PKD2: variants seen among roughly 807,000 people sequenced by gnomAD.
PKD2 encodes polycystin 2, transient receptor potential cation channel.
In PKD2, 48 loss-of-function variants were observed where a neutral mutation model predicts 105.9. That is an observed-to-expected ratio of 0.45 (90% CI 0.36 to 0.58). The LOEUF is 0.58. PKD2 is among the 20% of genes least tolerant of loss of function. The pLI is 0.00. For synonymous variants in PKD2, 464 were observed against 481.1 expected, an observed-to-expected ratio of 0.96 and a Z score of 0.46; for missense variants, 1,078 against 1,255.3, an observed-to-expected ratio of 0.86 and a Z score of 2.13.
chr4:88,026,350 A>G (rs1253370160), intron 2 of PKD2, among the ~76,000 whole-genome samples: 6 of 152,344 alleles, frequency 3.9e-5, no homozygotes, highest in African/African-American at 1.2e-4. Flanking sequence ...CCCCTGCCCT[A>G]GAGATCTGTG....
rs1217355283 is a variant in PKD2, at chr4:88,075,853, T to C, written c.*159T>C. ...ACTTTAATTTATTTTATATAAACTT[T>C]ACCCATGGTTCAAAGATTTTTTTTT... On this transcript the variant is annotated 3_prime_UTR_variant, in exon 15 of 15. Transcript: ENST00000237596. 2 of 691,228 alleles carry C rather than the reference T, an allele frequency of 2.9e-6. No homozygotes were observed. Among genetic ancestry groups the C allele is most frequent in the Non-Finnish European group, 5.1e-6 (2 of 392,726 alleles). 42.8% of individuals were successfully genotyped at this position (691,228 alleles called of 1,614,324 possible).
intron 2 of PKD2, among the ~76,000 whole-genome samples, chr4:88,020,064 G>A (rs183977896): frequency 3.9e-5 from 6 of 152,126 alleles, no homozygotes; most frequent in East Asian, 3.9e-4. Context: ...TATGAGATAC[G>A]CGTGGCAACT....
At chr4:88,018,033 A>C (rs1334772883) in intron 1 of PKD2, among the ~76,000 whole-genome samples, 1 of 152,224 alleles carries the variant, frequency 6.6e-6, no homozygotes, top group African/African-American at 2.4e-5. Flanking sequence ...CATGTCATCT[A>C]AATTTGTAAT....
intron 11 of PKD2, 43 bp from the exon 12 acceptor site, chr4:88,065,719 G>A (rs1397748375): frequency 3.5e-6 from 5 of 1,429,594 alleles, no homozygotes; most frequent in Admixed American, 1.7e-5. Context: ...GGTGAACTGG[G>A]TACAAGGAAT....
chr4:88,067,595 C>A (rs1720842530), intron 12 of PKD2, among the ~76,000 whole-genome samples: 1 of 152,158 alleles, frequency 6.6e-6, no homozygotes, highest in Non-Finnish European at 1.5e-5. Flanking sequence ...CTCAGCCTCC[C>A]AAAGTATTAG....
Position 88,052,433 on chromosome 4 carries a change from T to A in PKD2, c.1716+275T>A, listed in dbSNP as rs375504942. Among the ~76,000 whole-genome samples the A allele has an allele frequency of 5.3e-5, 8 of 152,190 alleles. No individual in the cohort carries two copies. The East Asian group carries it at 1.5e-3, about 29-fold the overall frequency. ...ACAGGCATGTGCCACCATACCCGGC[T>A]AATTTTTAAATTTTTTCGTAGAGAC... is the stretch of plus-strand genomic sequence containing the variant. On this transcript the variant is annotated intron_variant, in intron 7 of 14. Transcript: ENST00000237596.
rs1726221508 is a variant in PKD2 at position 88,007,737 on chromosome 4, G to A, written c.4G>A (p.Val2Met). 1.7e-6 allele frequency: 2 copies of A among 1,205,596 alleles called. No homozygotes were observed. The highest frequency in any genetic ancestry group is 2.1e-6 in the Non-Finnish European group (2 of 959,154). 74.7% of individuals were successfully genotyped at this position (1,205,596 alleles called of 1,614,324 possible). Residue 2 changes from valine (V) to methionine (M), a missense_variant, in exon 1 of 15, where the codon GTG becomes ATG. Val to Met is a conservative substitution (Grantham distance 21, BLOSUM62 1). Coordinates refer to ENST00000237596, the MANE Select transcript of PKD2 (RefSeq NM_000297.4). ...GCGCCGGACGCCAGTGACCGCGATG[G>A]TGAACTCCAGTCGCGTGCAGCCTCA... The part of the protein sequence containing the change: M[V>M]NSSRVQPQQP...
chr4:88,043,805 C>T (rs78027900), intron 5 of PKD2, among the ~76,000 whole-genome samples: 2,410 of 152,276 alleles, frequency 0.016, 27 homozygotes, highest in Non-Finnish European at 0.025. Context: ...GTCCCCCGGC[C>T]ATCAAATCTT....
Position 88,075,795 on chromosome 4 carries a change from G to A in PKD2, c.*101G>A. The A allele has an allele frequency of 1.2e-6, 1 of 827,098 alleles. No homozygotes were observed. The highest frequency in any genetic ancestry group is 1.7e-5 in the African/African-American group (1 of 60,296). 51.2% of individuals were successfully genotyped at this position (827,098 alleles called of 1,614,324 possible). ...TTATATGCCCTGACCACCATAGGAT[G>A]CTAGTCTTTGTGACCGATTGCTAAT... On this transcript the variant is annotated 3_prime_UTR_variant, in exon 15 of 15. Transcript: ENST00000237596.
intron 6 of PKD2, among the ~76,000 whole-genome samples, chr4:88,050,067 C>T (rs897519675): frequency 6.6e-6 from 1 of 150,888 alleles, no homozygotes; most frequent in South Asian, 2.1e-4. Flanking sequence ...CTCTGCCTCC[C>T]GGGTTCACGC....
intron 1 of PKD2, among the ~76,000 whole-genome samples, chr4:88,015,755 AGTTG>A (rs1726538928): frequency 6.6e-6 from 1 of 152,234 alleles, no homozygotes; most frequent in Non-Finnish European, 1.5e-5. Context: ...TAGATAAAAT[AGTTG>A]GGGAAATGGC....
In PKD2 at chr4:88,056,158, C is replaced by A; in HGVS notation, c.1789C>A (p.Leu597Met). 1 of 1,612,106 alleles carries A rather than the reference C, an allele frequency of 6.2e-7. No individual in the cohort carries two copies. The highest frequency in any genetic ancestry group is 1.1e-5 in the South Asian group (1 of 91,028). ...STTMSRCAKD[L>M]FGFAIMFFII... ...AACCATGTCTCGATGTGCCAAAGACCTGTTTGGCTTTGCTATTATGTTCTT... is the reference window on the plus strand; with the variant it reads ...AACCATGTCTCGATGTGCCAAAGACATGTTTGGCTTTGCTATTATGTTCTT... The change falls in exon 8 of 15, where the codon CTG becomes ATG. Residue 597 changes from leucine (L) to methionine (M), a missense_variant. This residue lies in a region of PKD2 where 868 missense variants were observed against 1,067.3 expected (regional missense o/e 0.81). Coordinates refer to ENST00000237596, the MANE Select transcript of PKD2 (RefSeq NM_000297.4).
At chr4:88,030,284 A>G (rs889177878) in intron 2 of PKD2, among the ~76,000 whole-genome samples, 9 of 152,090 alleles carry the variant, frequency 5.9e-5, no homozygotes, top group African/African-American at 1.9e-4. Flanking sequence ...AGTTGGGACC[A>G]CAGGCACCTA....
intron 3 of PKD2, among the ~76,000 whole-genome samples, chr4:88,036,981 C>T (rs922471332): frequency 6.6e-6 from 1 of 152,200 alleles, no homozygotes; most frequent in Non-Finnish European, 1.5e-5. Context: ...GTAATCCCAG[C>T]ACTTTGGGAG....
chr4:88,072,356 T>G (rs182877797), intron 13 of PKD2, among the ~76,000 whole-genome samples: 8 of 152,318 alleles, frequency 5.3e-5, no homozygotes, highest in Admixed American at 5.2e-4. Flanking sequence ...GCTGGTAATT[T>G]GTTTATCTCA....
intron 1 of PKD2, among the ~76,000 whole-genome samples, chr4:88,017,532 C>T (rs1726599899): frequency 6.6e-6 from 1 of 152,168 alleles, no homozygotes; most frequent in South Asian, 2.1e-4. Context: ...GCCTCAGCCT[C>T]CCATGTAGCT....
chr4:88,061,917 G>T lies in PKD2; in HGVS notation c.2031G>T (p.Leu677Phe). ...FMFFILLNMF[L>F]AIINDTYSEV... ...TCATTTACAAACAGAATATGTTTTT[G>T]GCTATCATCAATGATACTTACTCTG... The change falls in exon 10 of 15, where the codon TTG (leucine) becomes TTT (phenylalanine). Residue 677 changes from leucine to phenylalanine, a missense_variant. By Grantham distance (22) the Leu-to-Phe change is conservative. Around this residue, in one of 2 missense-constraint regions of PKD2, gnomAD observed 868 missense variants for 1,067.3 expected, o/e 0.81. Coordinates refer to ENST00000237596, the MANE Select transcript of PKD2 (RefSeq NM_000297.4). 6.6e-7 allele frequency: 1 copy of T among 1,513,292 alleles called. No individual in the cohort carries two copies. The highest frequency in any genetic ancestry group is 9.2e-7 in the Non-Finnish European group (1 of 1,088,710). 93.7% of individuals were successfully genotyped at this position (1,513,292 alleles called of 1,614,324 possible). A position where few individuals can be genotyped will look rare whatever the true frequency, so the allele number is the denominator to read the frequency against.
chr4:88,012,527 C>G (rs1726417965), intron 1 of PKD2, among the ~76,000 whole-genome samples: 1 of 152,066 alleles, frequency 6.6e-6, no homozygotes, highest in African/African-American at 2.4e-5. Flanking sequence ...AGTGGGAGAG[C>G]CTGCCTCTCT....
intron 10 of PKD2, among the ~76,000 whole-genome samples, chr4:88,065,067 T>G (rs1239770351): frequency 6.6e-6 from 1 of 152,192 alleles, no homozygotes; most frequent in Non-Finnish European, 1.5e-5. Context: ...TACTTTATGC[T>G]CTGAGGCAGA....
Sources: allele counts gnomAD v4.1 joint callset (sites outside exome capture counted in the v4.1 genomes callset), GRCh38; gene constraint gnomAD v4.1.1; regional missense constraint gnomAD v4.1.1; transcripts MANE v1.5; gene names NCBI Gene and HGNC (gene_info 2026-07-23, HGNC 2026-07-21).